The following XYLT1 variants were observed in gnomAD, a reference collection of about 807,000 sequenced individuals.
XYLT1 encodes the protein beta-D-xylosyltransferase 1.
In XYLT1, 36 loss-of-function variants were observed where a neutral mutation model predicts 91.3. The observed-to-expected ratio is 0.39, with a 90% confidence interval of 0.30 to 0.52. The LOEUF (loss-of-function observed/expected upper bound fraction) is 0.52. Ranked by LOEUF, XYLT1 falls within the 20% of genes least tolerant of loss-of-function variation. The pLI is 0.68. For synonymous variants in XYLT1, 588 were observed against 532.0 expected (o/e 1.11, Z -1.45); for missense variants, 1,242 against 1,284.5 (o/e 0.97, Z 0.51).
chr16:17,305,055 G>T (rs1157605194), intron 2 of XYLT1, among the ~76,000 whole-genome samples: 2 of 152,104 alleles, frequency 1.3e-5, no homozygotes, highest in African/African-American at 2.4e-5. Flanking sequence ...TGGGCCGGGG[G>T]TCATGTTTAA....
At chr16:17,258,430 AG>A (rs1172391949) in intron 3 of XYLT1, among the ~76,000 whole-genome samples, 1 of 151,774 alleles carries the variant, frequency 6.6e-6, no homozygotes, top group Non-Finnish European at 1.5e-5. Context: ...GAAGAAAATG[AG>A]GAAGGAAGGG....
At chr16:17,253,483 A>G (rs1196486765) in intron 3 of XYLT1, among the ~76,000 whole-genome samples, 1 of 152,182 alleles carries the variant, frequency 6.6e-6, no homozygotes, top group Non-Finnish European at 1.5e-5. Context: ...CCCCTGGCCT[A>G]AGATGCTGAG....
intron 1 of XYLT1, among the ~76,000 whole-genome samples, chr16:17,400,811 AG>A (rs2035957927): frequency 6.6e-6 from 1 of 152,138 alleles, no homozygotes; most frequent in Non-Finnish European, 1.5e-5. Flanking sequence ...CAGCCGGAGG[AG>A]GGGACACCTG....
At chr16:17,289,194 C>A (rs1012496769) in intron 2 of XYLT1, among the ~76,000 whole-genome samples, 2 of 152,152 alleles carry the variant, frequency 1.3e-5, no homozygotes, top group African/African-American at 2.4e-5. Flanking sequence ...AGTCATAGGG[C>A]GTATGTAAAT....
At position 17,395,223 on chromosome 16, in the gene XYLT1, A is replaced by G. The variant is rs530226296; in HGVS notation, c.364-37173T>C. Reference sequence around the variant, plus strand: ...TCACTATCATGAGAACAGCATGGGGAAAACCTCCCCCCTCATCCAATCACC... The same window carrying G: ...TCACTATCATGAGAACAGCATGGGGGAAACCTCCCCCCTCATCCAATCACC... On this transcript the variant is annotated intron_variant, in intron 1 of 11. Coordinates refer to ENST00000261381, the MANE Select transcript of XYLT1 (RefSeq NM_022166.4). 7.9e-4 allele frequency among the ~76,000 whole-genome samples: 120 copies of G among 152,298 alleles called. 1 individual carries two copies. Among genetic ancestry groups the G allele is most frequent in the African/African-American group, 1.9e-3 (78 of 41,558 alleles).
At chr16:17,347,763 A>G (rs917645669) in intron 2 of XYLT1, among the ~76,000 whole-genome samples, 6 of 152,220 alleles carry the variant, frequency 3.9e-5, no homozygotes, top group African/African-American at 1.4e-4. Context: ...TCCCTGAAGG[A>G]AAGAGATGTT....
intron 2 of XYLT1, among the ~76,000 whole-genome samples, chr16:17,288,448 G>C (rs1047101980): frequency 2.0e-5 from 3 of 152,052 alleles, no homozygotes; most frequent in Non-Finnish European, 4.4e-5. Flanking sequence ...TGATTCTTTT[G>C]TTCTTCTTGG....
chr16:17,311,682 T>G (rs12924149), intron 2 of XYLT1, among the ~76,000 whole-genome samples: 2 of 152,150 alleles, frequency 1.3e-5, no homozygotes, highest in African/African-American at 4.8e-5. Context: ...TTCCCCCTTG[T>G]GTGTATTAGT....
chr16:17,408,640 G>A (rs976767154), intron 1 of XYLT1, among the ~76,000 whole-genome samples: 12 of 152,262 alleles, frequency 7.9e-5, no homozygotes, highest in African/African-American at 2.9e-4. Context: ...GAAGTCAGGA[G>A]TTTGAGACCA....
At chr16:17,451,110 G>C (rs563118244) in intron 1 of XYLT1, among the ~76,000 whole-genome samples, 1 of 152,290 alleles carries the variant, frequency 6.6e-6, no homozygotes, top group African/African-American at 2.4e-5. Flanking sequence ...TCAACTTTTT[G>C]CAAGTGTTCA....
chr16:17,151,423 G>GA (rs1256848835), intron 6 of XYLT1, among the ~76,000 whole-genome samples: 9 of 151,996 alleles, frequency 5.9e-5, no homozygotes, highest in Non-Finnish European at 1.3e-4. Context: ...GTCTCAAAAA[G>GA]AAAAATAAAA....
chr16:17,375,657 C>T (rs561004162), intron 1 of XYLT1, among the ~76,000 whole-genome samples: 1 of 152,214 alleles, frequency 6.6e-6, no homozygotes, highest in African/African-American at 2.4e-5. Context: ...TGGTCAAGTT[C>T]GGTGCTCAAG....
chr16:17,398,937 C>A (rs1677237434), intron 1 of XYLT1, among the ~76,000 whole-genome samples: 1 of 151,524 alleles, frequency 6.6e-6, no homozygotes, highest in African/African-American at 2.4e-5. Flanking sequence ...CTCTACCTCC[C>A]AGGTTCAGGT....
At chr16:17,299,947 C>T (rs1292226250) in intron 2 of XYLT1, among the ~76,000 whole-genome samples, 2 of 152,130 alleles carry the variant, frequency 1.3e-5, no homozygotes, top group East Asian at 1.9e-4. Context: ...GGAATCTGGC[C>T]GCCTAGGCTT....
At chr16:17,400,982 TCATA>T (rs2035960725) in intron 1 of XYLT1, among the ~76,000 whole-genome samples, 1 of 111,006 alleles carries the variant, frequency 9.0e-6, no homozygotes, top group African/African-American at 4.5e-5. Flanking sequence ...ACTCTCTCTT[TCATA>T]CACACACACA....
chr16:17,329,865 G>T (rs1297863125), intron 2 of XYLT1, among the ~76,000 whole-genome samples: 4 of 152,172 alleles, frequency 2.6e-5, no homozygotes, highest in Non-Finnish European at 4.4e-5. Context: ...TGACCACACA[G>T]TCTGGGTTTC....
rs141079587 is a variant in XYLT1 at position 17,158,841 on chromosome 16, C to T, written c.1358G>A (p.Arg453Gln). The T allele has an allele frequency of 3.1e-4, 502 of 1,613,998 alleles. No homozygotes were observed. The highest frequency in any genetic ancestry group is 3.0e-4 in the Non-Finnish European group (351 of 1,179,962). Reference sequence around the variant, plus strand: ...GTTGAGGTGCTACCTTGCATTGTCCCGGCCGTGTGACTTCAAGAAATTCAT... The same window carrying T: ...GTTGAGGTGCTACCTTGCATTGTCCTGGCCGTGTGACTTCAAGAAATTCAT... ...RDMNFLKSHG[R>Q]DNARFIRKQG... Residue 453 changes from arginine to glutamine, a missense_variant, in exon 6 of 12, where the codon CGG becomes CAG. By Grantham distance (43) the Arg-to-Gln change is conservative. Coordinates refer to ENST00000261381, the MANE Select transcript of XYLT1 (RefSeq NM_022166.4).
intron 10 of XYLT1, 57 bp from the exon 11 acceptor site, chr16:17,118,036 C>T: frequency 6.5e-7 from 1 of 1,541,220 alleles, no homozygotes; most frequent in Non-Finnish European, 8.8e-7. Context: ...GGCTAGGTCT[C>T]AGAAAGGTCT....
At chr16:17,452,943 T>A (rs2036686215) in intron 1 of XYLT1, among the ~76,000 whole-genome samples, 1 of 152,050 alleles carries the variant, frequency 6.6e-6, no homozygotes, top group Admixed American at 6.6e-5. Flanking sequence ...TTAACAAAAG[T>A]AAATATTCCA....
Sources: gnomAD v4.1 joint callset for allele counts (sites outside exome capture counted in the v4.1 genomes callset) on GRCh38, gnomAD v4.1.1 for gene constraint, MANE v1.5 for transcripts, NCBI Gene and HGNC (gene_info 2026-07-23, HGNC 2026-07-21) for gene names.